The following FAM107B variants were observed in gnomAD, a reference collection of about 807,000 sequenced individuals.
The protein encoded by FAM107B is family with sequence similarity 107 member B.
Under a neutral mutation model 31.5 loss-of-function variants are expected in FAM107B, and 21 were observed. That is an observed-to-expected ratio of 0.67 (90% CI 0.47 to 0.96). The LOEUF (loss-of-function observed/expected upper bound fraction) is 0.96. Among genes scored for constraint, FAM107B ranks in the 40% least tolerant of loss-of-function variants. The probability of loss-of-function intolerance (pLI) is 0.00; values close to 1 mark genes in which losing one functional copy is unlikely to be tolerated. For missense variants in FAM107B, 452 were observed against 377.1 expected (o/e 1.20, Z -1.64); for synonymous variants, 157 against 141.5 (o/e 1.11, Z -0.78).
chr10:14,659,330 C>T (rs1237737924), intron 2 of FAM107B, among the ~76,000 whole-genome samples: 1 of 152,002 alleles, frequency 6.6e-6, no homozygotes, highest in South Asian at 2.1e-4. Context: ...AGTCTCAGCT[C>T]CTCCGGAGGC....
At chr10:14,767,055 T>TATATATATATATATATATAG (rs1440609298) in intron 1 of FAM107B, among the ~76,000 whole-genome samples, 4 of 18,278 alleles carry the variant, frequency 2.2e-4, no homozygotes, top group Non-Finnish European at 3.4e-4. Context: ...TATATATATA[T>TATATATATATATATATATAG]AGAGAGAGAG....
In FAM107B at chr10:14,566,041, C is replaced by T. The variant is rs371540165; in HGVS notation, c.470-35526G>A. Among the ~76,000 whole-genome samples the T allele has an allele frequency of 6.7e-4, 102 of 152,296 alleles. 1 individual carries two copies. Among genetic ancestry groups the T allele is most frequent in the African/African-American group, 1.6e-3 (68 of 41,582 alleles). ...CAGCCCCCATGCCTGAGGGGCCCTACGCTTCGTTTAGTGCTTTGCTGTTAC... is the reference window on the plus strand; with the variant it reads ...CAGCCCCCATGCCTGAGGGGCCCTATGCTTCGTTTAGTGCTTTGCTGTTAC... On this transcript the variant is annotated intron_variant, in intron 2 of 4. Coordinates refer to ENST00000181796, the MANE Select transcript of FAM107B (RefSeq NM_031453.4).
At chr10:14,522,968 C>T (rs751235700) in intron 3 of FAM107B, among the ~76,000 whole-genome samples, 1 of 152,114 alleles carries the variant, frequency 6.6e-6, no homozygotes, top group African/African-American at 2.4e-5. Flanking sequence ...AGCAAGTCGG[C>T]CTTCAGGGAA....
intron 3 of FAM107B, among the ~76,000 whole-genome samples, chr10:14,522,617 T>C (rs1012709159): frequency 1.3e-5 from 2 of 152,006 alleles, no homozygotes; most frequent in Admixed American, 1.3e-4. Context: ...GGTTTCACCA[T>C]GTTGGTCAGG....
rs138186349 is a variant in FAM107B, at chr10:14,613,986, T to A, written c.469+53648A>T. Among the ~76,000 whole-genome samples, 875 of 151,744 alleles carry A rather than the reference T, an allele frequency of 5.8e-3. 8 individuals are homozygous for A. Among genetic ancestry groups the A allele is most frequent in the African/African-American group, 0.02 (839 of 41,370 alleles). On this transcript the variant is annotated intron_variant, in intron 2 of 4. Transcript: ENST00000181796. ...TCTCTACTAAAAATACAAAAATTAG[T>A]CAGGAGTGTTGGCGGGCGCCTGTAG...
intron 1 of FAM107B, among the ~76,000 whole-genome samples, chr10:14,746,309 T>C (rs547687157): frequency 3.3e-5 from 5 of 152,332 alleles, no homozygotes; most frequent in Non-Finnish European, 5.9e-5. Context: ...AAGGTTAATA[T>C]TGTATGTGTG....
intron 1 of FAM107B, among the ~76,000 whole-genome samples, chr10:14,691,473 C>T (rs1307975556): frequency 6.6e-6 from 1 of 152,210 alleles, no homozygotes; most frequent in Non-Finnish European, 1.5e-5. Flanking sequence ...TCCGTAATCA[C>T]AAAGGCCCAG....
chr10:14,530,582 G>C, intron 2 of FAM107B, 67 bp from the exon 3 acceptor site: 1 of 1,463,862 alleles, frequency 6.8e-7, no homozygotes, highest in Non-Finnish European at 9.4e-7. Context: ...ACATGCAGAG[G>C]CCCACAGAGC....
chr10:14,690,249 T>C (rs1010147673), intron 1 of FAM107B, among the ~76,000 whole-genome samples: 4 of 152,208 alleles, frequency 2.6e-5, no homozygotes, highest in African/African-American at 9.6e-5. Flanking sequence ...CTTACTCCAC[T>C]GGCTCTCACC....
chr10:14,696,012 C>T (rs563487843), intron 1 of FAM107B, among the ~76,000 whole-genome samples: 58 of 152,226 alleles, frequency 3.8e-4, no homozygotes, highest in African/African-American at 1.2e-3. Flanking sequence ...CTTCCAGTAC[C>T]GTGTCAAATA....
At chr10:14,756,371 A>G (rs1028188077) in intron 1 of FAM107B, among the ~76,000 whole-genome samples, 7 of 152,252 alleles carry the variant, frequency 4.6e-5, no homozygotes, top group Non-Finnish European at 1.0e-4. Context: ...CTGTGAAAGT[A>G]TTTTGTAGAT....
chr10:14,719,498 G>A (rs1187076934), intron 1 of FAM107B, among the ~76,000 whole-genome samples: 2 of 152,032 alleles, frequency 1.3e-5, no homozygotes, highest in Non-Finnish European at 1.5e-5. Flanking sequence ...AGATACAAAT[G>A]GGCTAGCCAT....
chr10:14,696,854 T>G (rs1855278164), intron 1 of FAM107B, among the ~76,000 whole-genome samples: 3 of 152,182 alleles, frequency 2.0e-5, no homozygotes, highest in Non-Finnish European at 4.4e-5. Context: ...CCGTAGGCTG[T>G]GCCCAGGGAC....
rs116843849 is a variant in FAM107B, at chr10:14,651,331, C to T, written c.469+16303G>A. The stretch of plus-strand genomic sequence containing the variant: ...TAAGATATATCCACACATGGCTGGG[C>T]GCAGTGGCTCACGCCTATAATCCCA... On this transcript the variant is annotated intron_variant, in intron 2 of 4. Coordinates refer to ENST00000181796, the MANE Select transcript of FAM107B (RefSeq NM_031453.4). Among the ~76,000 whole-genome samples the T allele has an allele frequency of 2.4e-3, 366 of 152,314 alleles. 20 individuals carry two copies. The East Asian group carries it at 0.047, about 20-fold the overall frequency.
At chr10:14,526,659 A>G (rs1026164857) in intron 3 of FAM107B, among the ~76,000 whole-genome samples, 10 of 152,218 alleles carry the variant, frequency 6.6e-5, no homozygotes, top group African/African-American at 2.4e-4. Context: ...GAACTATTCA[A>G]CTAGTAAAGC....
intron 1 of FAM107B, among the ~76,000 whole-genome samples, chr10:14,726,885 T>C (rs1184190013): frequency 6.6e-6 from 1 of 152,174 alleles, no homozygotes; most frequent in East Asian, 1.9e-4. Flanking sequence ...ACTTTATTTC[T>C]ATTATTATTA....
chr10:14,747,336 T>C (rs1469297392), intron 1 of FAM107B, among the ~76,000 whole-genome samples: 2 of 152,206 alleles, frequency 1.3e-5, no homozygotes, highest in African/African-American at 4.8e-5. Flanking sequence ...TGTGCTCTTG[T>C]TGGAGATGTG....
At chr10:14,631,195 C>G (rs1487088327) in intron 2 of FAM107B, among the ~76,000 whole-genome samples, 5 of 152,088 alleles carry the variant, frequency 3.3e-5, no homozygotes, top group African/African-American at 1.2e-4. Context: ...GTGCATATCC[C>G]CTGGCTGGGC....
At chr10:14,567,877 C>A (rs1850813891) in intron 2 of FAM107B, among the ~76,000 whole-genome samples, 1 of 152,138 alleles carries the variant, frequency 6.6e-6, no homozygotes, top group African/African-American at 2.4e-5. Flanking sequence ...CTAGTTTGAG[C>A]ACTGAAAGTC....
Sources: allele counts gnomAD v4.1 joint callset (sites outside exome capture counted in the v4.1 genomes callset), GRCh38; gene constraint gnomAD v4.1.1; transcripts MANE v1.5; gene names NCBI Gene and HGNC (gene_info 2026-07-23, HGNC 2026-07-21).